SPTLC2: variants seen among roughly 807,000 people sequenced by gnomAD.
The protein encoded by SPTLC2 is serine palmitoyltransferase 2.
SPTLC2 carries 21 observed loss-of-function variants against 62.0 expected under a neutral mutation model. That is an observed-to-expected ratio of 0.34 (90% CI 0.24 to 0.49). The LOEUF (loss-of-function observed/expected upper bound fraction) is 0.49. Among genes scored for constraint, SPTLC2 ranks in the 20% least tolerant of loss-of-function variants. The pLI is 0.99. For synonymous variants in SPTLC2, 261 were observed against 261.8 expected (o/e 1.00, Z 0.03); for missense variants, 511 against 713.0 (o/e 0.72, Z 3.23).
chr14:77,609,456 G>A (rs981911487), intron 1 of SPTLC2, among the ~76,000 whole-genome samples: 18 of 152,046 alleles, frequency 1.2e-4, no homozygotes, highest in Non-Finnish European at 1.5e-5. Flanking sequence ...ATAACGTGGG[G>A]CTAGACACAG....
rs2079663538 is a variant in SPTLC2, at chr14:77,569,172, G to A, written c.756+1212C>T. 2.6e-5 allele frequency among the ~76,000 whole-genome samples: 4 copies of A among 151,936 alleles called. No homozygotes were observed. In the South Asian group the frequency reaches 8.3e-4, roughly 32 times the overall value. On this transcript the variant is annotated intron_variant, in intron 5 of 11. Coordinates refer to ENST00000216484, the MANE Select transcript of SPTLC2 (RefSeq NM_004863.4). Reference sequence around the variant, plus strand: ...TGAAATCTTTGTTTATATTAATACAGGCACTTCACATTTCTTCTGATTATT... The same window carrying A: ...TGAAATCTTTGTTTATATTAATACAAGCACTTCACATTTCTTCTGATTATT...
chr14:77,597,148 G>T (rs776911481), intron 2 of SPTLC2, 38 bp downstream of exon 2: 3 of 1,597,022 alleles, frequency 1.9e-6, no homozygotes, highest in Non-Finnish European at 8.6e-7. Context: ...TCCATAAAAG[G>T]CTTCTATTTA....
At chr14:77,584,404 A>G (rs1251042642) in intron 2 of SPTLC2, among the ~76,000 whole-genome samples, 1 of 152,264 alleles carries the variant, frequency 6.6e-6, no homozygotes, top group Non-Finnish European at 1.5e-5. Context: ...GTGCCCATCT[A>G]CTGAGTATTT....
chr14:77,574,050 A>G (rs4903610), intron 4 of SPTLC2, among the ~76,000 whole-genome samples: 140,633 of 152,236 alleles, frequency 0.92, 66,009 homozygotes, highest in East Asian at 1. Context: ...TCTCCAGAGC[A>G]TCAGACAGCA....
intron 6 of SPTLC2, among the ~76,000 whole-genome samples, chr14:77,560,168 C>T (rs1259667519): frequency 6.6e-6 from 1 of 152,164 alleles, no homozygotes; most frequent in African/African-American, 2.4e-5. Context: ...TGAGTAGGAA[C>T]AGTCAATCTC....
chr14:77,598,479 T>C (rs1352091795), intron 1 of SPTLC2, among the ~76,000 whole-genome samples: 1 of 152,222 alleles, frequency 6.6e-6, no homozygotes, highest in African/African-American at 2.4e-5. Flanking sequence ...ATGTAAAATA[T>C]TTGTAAATGT....
intron 9 of SPTLC2, among the ~76,000 whole-genome samples, chr14:77,534,588 T>TACACACATACACACACACACAC (rs2079459014): frequency 7.1e-6 from 1 of 141,128 alleles, no homozygotes; most frequent in Non-Finnish European, 1.5e-5. Flanking sequence ...CATATTTCAG[T>TACACACATACACACACACACAC]ACACACACAC....
chr14:77,607,119 A>G (rs10139059), intron 1 of SPTLC2, among the ~76,000 whole-genome samples: 67,857 of 152,050 alleles, frequency 0.45, 15,393 homozygotes, highest in East Asian at 0.63. Flanking sequence ...ATATAAAAGG[A>G]AGTAAGGAAA....
At chr14:77,543,569 A>G (rs2079512826) in intron 9 of SPTLC2, among the ~76,000 whole-genome samples, 1 of 152,222 alleles carries the variant, frequency 6.6e-6, no homozygotes, top group African/African-American at 2.4e-5. Flanking sequence ...ACAACTTTAT[A>G]GTGGGCAAGG....
chr14:77,535,220 C>A (rs1040166418), intron 9 of SPTLC2, among the ~76,000 whole-genome samples: 2 of 152,176 alleles, frequency 1.3e-5, no homozygotes, highest in African/African-American at 4.8e-5. Flanking sequence ...AGCCACCACA[C>A]CCAGCCCCAA....
intron 9 of SPTLC2, among the ~76,000 whole-genome samples, chr14:77,522,094 A>G (rs2079387408): frequency 6.6e-6 from 1 of 152,158 alleles, no homozygotes; most frequent in Admixed American, 6.5e-5. Context: ...CCAGAGATGA[A>G]GCCTTTAGAC....
chr14:77,589,261 T>C (rs1012093307), intron 2 of SPTLC2, among the ~76,000 whole-genome samples: 4 of 151,910 alleles, frequency 2.6e-5, no homozygotes, highest in Non-Finnish European at 5.9e-5. Flanking sequence ...TTTTTAATGT[T>C]AAAAACAGGA....
intron 1 of SPTLC2, among the ~76,000 whole-genome samples, chr14:77,598,689 TG>T: frequency 6.6e-6 from 1 of 152,160 alleles, no homozygotes; most frequent in Admixed American, 6.5e-5. Context: ...CCTAGCACTT[TG>T]GGAGGCCAAG....
chr14:77,570,222 CAAAA>C (rs35086251), intron 5 of SPTLC2, among the ~76,000 whole-genome samples, 158 bp downstream of exon 5: 5 of 111,392 alleles, frequency 4.5e-5, no homozygotes, highest in Admixed American at 9.5e-5. Flanking sequence ...GACTCCATCT[CAAAA>C]AAAAAAAAAA....
chr14:77,613,331 A>G (rs1205289295), intron 1 of SPTLC2, among the ~76,000 whole-genome samples: 1 of 152,236 alleles, frequency 6.6e-6, no homozygotes, highest in African/African-American at 2.4e-5. Context: ...ATGCTAATGT[A>G]AAAGTTTCCC....
intron 2 of SPTLC2, among the ~76,000 whole-genome samples, chr14:77,593,114 A>C (rs945750971): frequency 6.6e-6 from 1 of 151,964 alleles, no homozygotes; most frequent in Non-Finnish European, 1.5e-5. Context: ...AAAAAAAAAA[A>C]AATTAAAAAA....
At chr14:77,616,409 A>G (rs894927848) in intron 1 of SPTLC2, 39 bp downstream of exon 1, 3 of 1,319,448 alleles carry the variant, frequency 2.3e-6, no homozygotes, top group Admixed American at 3.7e-5. Flanking sequence ...CCGCCAGTCC[A>G]CACCGCCACC....
At chr14:77,570,623 TA>T in intron 4 of SPTLC2, 115 bp from the exon 5 acceptor site, 1 of 1,223,078 alleles carries the variant, frequency 8.2e-7, no homozygotes, top group Non-Finnish European at 1.2e-6. Flanking sequence ...GACTAAGATC[TA>T]TGAAGGAGTC....
At chr14:77,513,686 G>A (rs1241793167) in intron 11 of SPTLC2, among the ~76,000 whole-genome samples, 3 of 151,854 alleles carry the variant, frequency 2.0e-5, no homozygotes, top group African/African-American at 4.8e-5. Context: ...ACCTGAGGTC[G>A]GGAGTTTGAG....
Sources: gnomAD v4.1 joint callset for allele counts (sites outside exome capture counted in the v4.1 genomes callset) on GRCh38, gnomAD v4.1.1 for gene constraint, MANE v1.5 for transcripts, NCBI Gene and HGNC (gene_info 2026-07-23, HGNC 2026-07-21) for gene names.